MAST2: variants seen among roughly 807,000 people sequenced by gnomAD.
MAST2 encodes the protein microtubule-associated serine/threonine-protein kinase 2.
MAST2 carries 70 observed loss-of-function variants against 147.4 expected under a neutral mutation model. The observed-to-expected ratio is 0.47, with a 90% CI of 0.39 to 0.58. The LOEUF (loss-of-function observed/expected upper bound fraction) is 0.58. Ranked by LOEUF, MAST2 falls within the 20% of genes least tolerant of loss-of-function variation. The pLI is 0.00. For synonymous variants in MAST2, 869 were observed against 896.8 expected (o/e 0.97, Z 0.55); for missense variants, 2,080 against 2,302.3 (o/e 0.90, Z 1.98).
rs941163617 is a variant in MAST2 at position 45,847,728 on chromosome 1, C to CT, written c.468+18156dup. 1.2e-3 allele frequency: 291 copies of CT among 241,076 alleles called. 1 individual carries two copies. The highest frequency in any genetic ancestry group is 3.0e-3 in the Middle Eastern group (2 of 658). 14.9% of individuals were successfully genotyped at this position (241,076 alleles called of 1,614,324 possible). A position where few individuals can be genotyped will look rare whatever the true frequency, so the allele number is the denominator to read the frequency against. ...AAATCCCCCTGGGGCCTCCCTTTTTCTTTTTTTTTAAGATGAGATTTTGCC... is the reference window on the plus strand; with the variant it reads ...AAATCCCCCTGGGGCCTCCCTTTTTCTTTTTTTTTTAAGATGAGATTTTGCC... On this transcript the variant is annotated intron_variant, in intron 3 of 28. Coordinates refer to ENST00000361297, the MANE Select transcript of MAST2 (RefSeq NM_015112.3).
chr1:45,820,825 CTCTGTCTGCT>C (rs1644598765), intron 1 of MAST2, among the ~76,000 whole-genome samples: 3 of 128,540 alleles, frequency 2.3e-5, no homozygotes, highest in Non-Finnish European at 1.6e-5. Flanking sequence ...TGGTGATGGA[CTCTGTCTGCT>C]TTTTTTTTTT....
intron 18 of MAST2, 147 bp downstream of exon 18, chr1:46,029,080 C>CT: frequency 2.3e-6 from 2 of 883,198 alleles, no homozygotes; most frequent in Non-Finnish European, 3.5e-6. Flanking sequence ...ATGGGTGTCT[C>CT]TGTGTTTCTG....
chr1:45,983,707 G>A (rs1343700243), intron 5 of MAST2, among the ~76,000 whole-genome samples: 1 of 152,014 alleles, frequency 6.6e-6, no homozygotes, highest in African/African-American at 2.4e-5. Context: ...TGCTTAGGCT[G>A]GTCTTAAACT....
intron 3 of MAST2, among the ~76,000 whole-genome samples, chr1:45,853,605 C>T (rs1009684342): frequency 2.5e-4 from 38 of 151,612 alleles, no homozygotes; most frequent in African/African-American, 8.2e-4. Context: ...CCACCCACCC[C>T]GGCCTCCCAA....
chr1:45,853,591 T>G (rs1283705444), intron 3 of MAST2, among the ~76,000 whole-genome samples: 1 of 152,094 alleles, frequency 6.6e-6, no homozygotes, highest in Non-Finnish European at 1.5e-5. Flanking sequence ...TGACCTCAAG[T>G]GATCCACCCA....
intron 4 of MAST2, among the ~76,000 whole-genome samples, chr1:45,951,788 A>G (rs1658965268): frequency 6.6e-6 from 1 of 152,234 alleles, no homozygotes; most frequent in Non-Finnish European, 1.5e-5. Context: ...AAATGGGAAG[A>G]TATAAACTAT....
chr1:45,958,400 C>T (rs1369446821), intron 4 of MAST2, among the ~76,000 whole-genome samples: 1 of 152,096 alleles, frequency 6.6e-6, no homozygotes, highest in East Asian at 1.9e-4. Context: ...CCTCTCAGCT[C>T]TACTTTTGTC....
At chr1:46,011,534 G>A (rs750296121) in intron 10 of MAST2, among the ~76,000 whole-genome samples, 9 of 152,190 alleles carry the variant, frequency 5.9e-5, no homozygotes, top group South Asian at 2.1e-4. Context: ...CTTCCTGCAC[G>A]AGTGCTTCCT....
chr1:45,973,093 G>A (rs953024352), intron 5 of MAST2, among the ~76,000 whole-genome samples: 1 of 151,808 alleles, frequency 6.6e-6, no homozygotes, highest in Non-Finnish European at 1.5e-5. Flanking sequence ...CATTGCAATT[G>A]TAAAAATTTT....
chr1:45,903,617 T>C (rs1315678699), intron 4 of MAST2, among the ~76,000 whole-genome samples: 2 of 152,214 alleles, frequency 1.3e-5, no homozygotes, highest in African/African-American at 4.8e-5. Flanking sequence ...GAGTTCCTCT[T>C]GATGTTGATT....
intron 4 of MAST2, chr1:45,917,603 C>T (rs1652770126): frequency 1.7e-6 from 2 of 1,160,146 alleles, no homozygotes; most frequent in Admixed American, 2.1e-5. Flanking sequence ...GCATACCTTA[C>T]TCCTTAATAA....
At chr1:46,021,894 G>T in intron 11 of MAST2, 56 bp from the exon 12 acceptor site, 1 of 1,592,896 alleles carries the variant, frequency 6.3e-7, no homozygotes, top group African/African-American at 1.3e-5. Flanking sequence ...AACCAAAGAT[G>T]CCAGCAGCTT....
At chr1:45,973,702 C>A (rs999961868) in intron 5 of MAST2, among the ~76,000 whole-genome samples, 1 of 151,894 alleles carries the variant, frequency 6.6e-6, no homozygotes, top group Non-Finnish European at 1.5e-5. Context: ...GAGGAGAGAC[C>A]CAAAAGGAAA....
intron 1 of MAST2, among the ~76,000 whole-genome samples, chr1:45,808,937 C>T (rs558691377): frequency 6.6e-6 from 1 of 151,954 alleles, no homozygotes; most frequent in South Asian, 2.1e-4. Context: ...CTCTTGGTTC[C>T]TTAGGACCGT....
intron 4 of MAST2, among the ~76,000 whole-genome samples, chr1:45,885,206 A>G (rs935442484): frequency 6.6e-6 from 1 of 152,152 alleles, no homozygotes; most frequent in African/African-American, 2.4e-5. Context: ...AGGAGGGGGC[A>G]TCATATTTGT....
At chr1:45,911,040 G>C (rs1440439602) in intron 4 of MAST2, among the ~76,000 whole-genome samples, 1 of 152,128 alleles carries the variant, frequency 6.6e-6, no homozygotes, top group East Asian at 1.9e-4. Flanking sequence ...TATTTTGCAG[G>C]ATCTCTAAAG....
At chr1:46,019,750 G>A in intron 11 of MAST2, 53 bp downstream of exon 11, 1 of 1,480,450 alleles carries the variant, frequency 6.8e-7, no homozygotes, top group Middle Eastern at 1.7e-4. Flanking sequence ...GGACTATAGA[G>A]GAAGTATCCT....
At chr1:45,938,603 A>G (rs1220229784) in intron 4 of MAST2, among the ~76,000 whole-genome samples, 4 of 152,254 alleles carry the variant, frequency 2.6e-5, no homozygotes, top group Admixed American at 2.6e-4. Flanking sequence ...CCAAGATTAC[A>G]GGTGTCAGCC....
At chr1:45,883,961 T>G (rs1483185785) in intron 4 of MAST2, among the ~76,000 whole-genome samples, 6 of 129,408 alleles carry the variant, frequency 4.6e-5, no homozygotes, top group African/African-American at 1.7e-4. Context: ...TGCCTGAGAT[T>G]TGCCTTTTCT....
Sources: gnomAD v4.1 joint callset for allele counts (sites outside exome capture counted in the v4.1 genomes callset) on GRCh38, gnomAD v4.1.1 for gene constraint, MANE v1.5 for transcripts, NCBI Gene and HGNC (gene_info 2026-07-23, HGNC 2026-07-21) for gene names.